Variants in MYO7A observed in about 807,000 individuals in gnomAD.
MYO7A encodes unconventional myosin-VIIa.
MYO7A carries 210 observed loss-of-function variants against 263.8 expected under a neutral mutation model. That is an observed-to-expected ratio of 0.80 (90% CI 0.71 to 0.89). The LOEUF is 0.89. Among genes scored for constraint, MYO7A ranks in the 40% least tolerant of loss-of-function variants. The pLI is 0.00. For missense variants in MYO7A, 2,820 were observed against 2,968.3 expected (o/e 0.95, Z 1.16); for synonymous variants, 1,239 against 1,197.3 (o/e 1.03, Z -0.72).
In MYO7A at chr11:77,197,507, T is replaced by C. The variant is rs766866372; in HGVS notation, c.4350T>C (p.Asp1450=). 6.2e-7 allele frequency: 1 copy of C among 1,605,694 alleles called. No individual in the cohort carries two copies. The highest frequency in any genetic ancestry group is 1.1e-5 in the South Asian group (1 of 89,036). ...KKGIYAQRRT[D]AQKVKEDVVS... Reference sequence around the variant, plus strand: ...GGATTTATGCCCAGAGGAGAACTGATGCCCAGAAGGTCAAAGAGGATGTGG... The same window carrying C: ...GGATTTATGCCCAGAGGAGAACTGACGCCCAGAAGGTCAAAGAGGATGTGG... Residue 1450 remains aspartate, a synonymous_variant, in exon 33 of 49, where the codon GAT becomes GAC. Coordinates refer to ENST00000409709, the MANE Select transcript of MYO7A (RefSeq NM_000260.4).
At position 77,194,632 on chromosome 11, in the gene MYO7A, C is replaced by T. The variant is rs1416120468; in HGVS notation, c.4323+108C>T. On this transcript the variant is annotated intron_variant, in intron 32 of 48. Transcript: ENST00000409709. ...GTTGGGGCTGCGGGGGATGGGATGG[C>T]ACCTTCCAGTGGCCCTTCCTTCATT... 5 of 1,203,578 alleles carry T rather than the reference C, an allele frequency of 4.2e-6. No individual in the cohort carries two copies. The South Asian group carries it at 6.5e-5, about 16-fold the overall frequency. The allele number at this position is 1,203,578 out of a possible 1,614,324, so 74.6% of individuals were successfully genotyped here.
intron 2 of MYO7A, among the ~76,000 whole-genome samples, chr11:77,131,277 A>T (rs1354207535): frequency 6.6e-6 from 1 of 152,206 alleles, no homozygotes; most frequent in Non-Finnish European, 1.5e-5. Flanking sequence ...AGCAGGCCGT[A>T]GGGCTTGTGG....
At position 77,159,484 on chromosome 11, in the gene MYO7A, C is replaced by T. The variant is rs1030055069; in HGVS notation, c.1041C>T (p.Leu347=). The change falls in exon 10 of 49, where the codon CTC becomes CTT. Residue 347 remains leucine, a synonymous_variant. Coordinates refer to ENST00000409709, the MANE Select transcript of MYO7A (RefSeq NM_000260.4). ...AAAACCTGGATGCCTGTGAGGTTCT[C>T]TTCTCCCCATCGCTGGCCACAGCTG... is the stretch of plus-strand genomic sequence containing the variant. ...TFENLDACEV[L]FSPSLATAAS... is the part of the protein sequence containing the mutation. 1 of 1,553,272 alleles carries T rather than the reference C, an allele frequency of 6.4e-7. No homozygotes were observed. Among genetic ancestry groups the T allele is most frequent in the Non-Finnish European group, 8.8e-7 (1 of 1,140,740 alleles).
intron 28 of MYO7A, 79 bp from the exon 29 acceptor site, chr11:77,189,941 G>C: frequency 6.9e-7 from 1 of 1,446,808 alleles, no homozygotes; most frequent in Non-Finnish European, 9.1e-7. Flanking sequence ...GCCTCCAAGT[G>C]CCGGGAGGGC....
At chr11:77,162,812 G>A (rs782665058) in intron 13 of MYO7A, 41 bp from the exon 14 acceptor site, 4 of 1,596,850 alleles carry the variant, frequency 2.5e-6, no homozygotes, top group Non-Finnish European at 3.4e-6. Flanking sequence ...TGGGGCCCAT[G>A]GAGGAGAGGG....
chr11:77,163,511 C>T (rs2135318197), intron 14 of MYO7A, among the ~76,000 whole-genome samples: 1 of 152,282 alleles, frequency 6.6e-6, no homozygotes, highest in East Asian at 1.9e-4. Context: ...CAGACCTGTA[C>T]AGCATGTTCT....
At chr11:77,153,271 G>T (rs533020532) in intron 4 of MYO7A, among the ~76,000 whole-genome samples, 1 of 151,980 alleles carries the variant, frequency 6.6e-6, no homozygotes, top group Non-Finnish European at 1.5e-5. Flanking sequence ...GTGTCCAGGG[G>T]CTCCCCAGTT....
intron 4 of MYO7A, among the ~76,000 whole-genome samples, chr11:77,152,352 C>G (rs1027256066): frequency 1.4e-4 from 22 of 152,210 alleles, no homozygotes; most frequent in African/African-American, 5.1e-4. Context: ...CAGGCCTGTC[C>G]CCTCGCTACC....
chr11:77,208,937 G>A, intron 44 of MYO7A, 134 bp downstream of exon 44: 3 of 700,850 alleles, frequency 4.3e-6, no homozygotes, highest in Admixed American at 2.3e-5. Flanking sequence ...TTCCTGCCAA[G>A]ACCACTGGAG....
intron 29 of MYO7A, among the ~76,000 whole-genome samples, chr11:77,190,426 A>G (rs992062564): frequency 6.6e-6 from 1 of 152,094 alleles, no homozygotes; most frequent in African/African-American, 2.4e-5. Context: ...TGAAGGTTAT[A>G]TGAAGTGATA....
In MYO7A at chr11:77,166,156, C is replaced by T. The variant is rs1293973474; in HGVS notation, c.1791C>T (p.Val597=). The T allele has an allele frequency of 2.5e-6, 4 of 1,613,694 alleles. No homozygotes were observed. The highest frequency in any genetic ancestry group is 3.4e-6 in the Non-Finnish European group (4 of 1,179,718). Residue 597 remains valine (V), a synonymous_variant, in exon 15 of 49, where the codon GTC becomes GTT. Transcript: ENST00000409709. ...KFIKQIFQAD[V]AMGAETRKRS... is the part of the protein sequence containing the mutation. Reference sequence around the variant, plus strand: ...TCAAGCAGATCTTCCAGGCCGATGTCGCCATGGTAAGCCGGGTGCGGTTTC... The same window carrying T: ...TCAAGCAGATCTTCCAGGCCGATGTTGCCATGGTAAGCCGGGTGCGGTTTC...
rs778757385 is a variant in MYO7A at position 77,205,472 on chromosome 11, G to T, written c.5491G>T (p.Glu1831Ter). ...LTDNHIRYSEERGWELLWLCT... is the reference protein window; with the variant it reads ...LTDNHIRYSE ...CGCCTCCTCCTGCAGGTACAGCGAGGAGCGGGGTTGGGAGCTGCTCTGGCT... is the reference window on the plus strand; with the variant it reads ...CGCCTCCTCCTGCAGGTACAGCGAGTAGCGGGGTTGGGAGCTGCTCTGGCT... The change falls in exon 40 of 49, where the codon GAG (glutamate) becomes TAG (stop). Residue 1831 changes from glutamate to a stop codon, truncating the protein, a stop_gained. Coordinates refer to ENST00000409709, the MANE Select transcript of MYO7A (RefSeq NM_000260.4). LOFTEE classifies it high-confidence loss of function. 2 of 1,574,072 alleles carry T rather than the reference G, an allele frequency of 1.3e-6. No individual in the cohort carries two copies. The highest frequency in any genetic ancestry group is 1.7e-6 in the Non-Finnish European group (2 of 1,160,376).
chr11:77,182,400 T>A (rs1195516906), intron 24 of MYO7A, 24 bp from the exon 25 acceptor site: 7 of 1,601,186 alleles, frequency 4.4e-6, no homozygotes, highest in Non-Finnish European at 6.0e-6. Flanking sequence ...CGCTCTGGCC[T>A]CTGACATGCG....
At chr11:77,169,962 G>C (rs892053437) in intron 15 of MYO7A, among the ~76,000 whole-genome samples, 6 of 152,172 alleles carry the variant, frequency 3.9e-5, no homozygotes, top group Non-Finnish European at 8.8e-5. Context: ...TGTAGTCCCA[G>C]CTATTCAGGA....
At chr11:77,189,949 G>A (rs910223312) in intron 28 of MYO7A, 71 bp from the exon 29 acceptor site, 1 of 1,451,236 alleles carries the variant, frequency 6.9e-7, no homozygotes, top group Non-Finnish European at 9.1e-7. Flanking sequence ...GTGCCGGGAG[G>A]GCCTGGCGGC....
chr11:77,156,101 C>T lies in MYO7A; in HGVS notation c.470+10C>T. On this transcript the variant is annotated intron_variant, in intron 5 of 48. Coordinates refer to ENST00000409709, the MANE Select transcript of MYO7A (RefSeq NM_000260.4). ...AGTGCTGCATCATCAGGTGGGCGGC[C>T]CAGCACCTGTGTGGAGCTCCAGGCT... The T allele has an allele frequency of 6.2e-7, 1 of 1,613,090 alleles. No homozygotes were observed. The highest frequency in any genetic ancestry group is 8.5e-7 in the Non-Finnish European group (1 of 1,179,606).
rs112971043 is a variant in MYO7A at position 77,169,223 on chromosome 11, C to G, written c.1797+3061C>G. Among the ~76,000 whole-genome samples the G allele has an allele frequency of 7.3e-3, 1,118 of 152,354 alleles. 15 individuals carry two copies. Among genetic ancestry groups the G allele is most frequent in the African/African-American group, 0.025 (1,057 of 41,578 alleles). On this transcript the variant is annotated intron_variant, in intron 15 of 48. Coordinates refer to ENST00000409709, the MANE Select transcript of MYO7A (RefSeq NM_000260.4). ...ATCTGCACTCCCATCATCGGCAGAT[C>G]CCCGAGCCCTGAGTTTTCAGCCTTT...
intron 17 of MYO7A, among the ~76,000 whole-genome samples, chr11:77,175,150 C>A (rs527392338): frequency 6.6e-6 from 1 of 152,176 alleles, no homozygotes; most frequent in Non-Finnish European, 1.5e-5. Flanking sequence ...GGCTGCCACG[C>A]GGGCCCTGGA....
rs79972358 is a variant in MYO7A at position 77,172,930 on chromosome 11, C to T, written c.1935+45C>T. Reference sequence around the variant, plus strand: ...GGTTGGCGGGTGGCGGCTAGGGTGACGTGGAGGAGCTAGGTCAAGAATAAG... The same window carrying T: ...GGTTGGCGGGTGGCGGCTAGGGTGATGTGGAGGAGCTAGGTCAAGAATAAG... On this transcript the variant is annotated intron_variant, in intron 16 of 48. Transcript: ENST00000409709. The T allele has an allele frequency of 3.9e-4, 591 of 1,523,546 alleles. 6 individuals are homozygous for T. In the African/African-American group the frequency reaches 7.1e-3, roughly 18 times the overall value. 94.4% of individuals were successfully genotyped at this position (1,523,546 alleles called of 1,614,324 possible).
Sources: gnomAD v4.1 joint callset for allele counts (sites outside exome capture counted in the v4.1 genomes callset) on GRCh38, gnomAD v4.1.1 for gene constraint, MANE v1.5 for transcripts, NCBI Gene and HGNC (gene_info 2026-07-23, HGNC 2026-07-21) for gene names.